The following MECOM variants were observed in gnomAD, a reference collection of about 807,000 sequenced individuals.
MECOM encodes the protein histone-lysine N-methyltransferase MECOM.
MECOM carries 13 observed loss-of-function variants against 116.3 expected under a neutral mutation model. That is an observed-to-expected ratio of 0.11 (90% CI 0.07 to 0.18). The LOEUF is 0.18. Among genes scored for constraint, MECOM ranks in the 10% least tolerant of loss-of-function variants. The probability of loss-of-function intolerance (pLI) is 1.00; values close to 1 mark genes in which losing one functional copy is unlikely to be tolerated. For missense variants in MECOM, 1,299 were observed against 1,509.0 expected (o/e 0.86, Z 2.31); for synonymous variants, 528 against 535.2 (o/e 0.99, Z 0.19).
intron 1 of MECOM, among the ~76,000 whole-genome samples, chr3:169,427,681 T>C (rs960438935): frequency 6.6e-6 from 1 of 152,212 alleles, no homozygotes; most frequent in Non-Finnish European, 1.5e-5. Flanking sequence ...AGGGAGAGAA[T>C]ATTTATTAAA....
intron 2 of MECOM, among the ~76,000 whole-genome samples, chr3:169,227,973 A>G (rs1056816784): frequency 6.6e-6 from 1 of 152,188 alleles, no homozygotes; most frequent in Non-Finnish European, 1.5e-5. Context: ...CCCAAGAACA[A>G]TTGAGACAAA....
At chr3:169,523,051 T>C (rs1360932279) in intron 1 of MECOM, among the ~76,000 whole-genome samples, 1 of 152,228 alleles carries the variant, frequency 6.6e-6, no homozygotes, top group Admixed American at 6.5e-5. Context: ...GTCATCACTT[T>C]GAAAAATTAA....
chr3:169,378,403 A>G (rs1049978237), intron 2 of MECOM, among the ~76,000 whole-genome samples: 1 of 50,346 alleles, frequency 2.0e-5, no homozygotes, highest in African/African-American at 1.7e-4. Context: ...GAAAGAAAGA[A>G]AGAAAGAAAG....
At chr3:169,425,517 C>T (rs1277558659) in intron 1 of MECOM, among the ~76,000 whole-genome samples, 1 of 152,082 alleles carries the variant, frequency 6.6e-6, no homozygotes, top group Non-Finnish European at 1.5e-5. Context: ...CTCTATGTAA[C>T]ATTTGTTGAT....
At chr3:169,173,811 A>G (rs889022673) in intron 2 of MECOM, among the ~76,000 whole-genome samples, 2 of 152,156 alleles carry the variant, frequency 1.3e-5, no homozygotes, top group African/African-American at 4.8e-5. Context: ...GTATGTGACT[A>G]CCTACACTGA....
intron 1 of MECOM, among the ~76,000 whole-genome samples, chr3:169,493,576 C>CAT (rs57415812): frequency 0.17 from 25,660 of 150,622 alleles, 2,494 homozygotes; most frequent in African/African-American, 0.27. Context: ...CATATGTATA[C>CAT]ATATATATAT....
chr3:169,432,688 T>A (rs924328192), intron 1 of MECOM, among the ~76,000 whole-genome samples: 5 of 152,242 alleles, frequency 3.3e-5, no homozygotes, highest in Non-Finnish European at 7.3e-5. Context: ...TCTTCTTCTT[T>A]ACTATTGAAT....
intron 1 of MECOM, among the ~76,000 whole-genome samples, chr3:169,489,861 C>CATAT (rs932645851): frequency 1.3e-5 from 2 of 152,028 alleles, no homozygotes; most frequent in Admixed American, 1.3e-4. Flanking sequence ...AAAGCACAAA[C>CATAT]ATATAAAGTA....
chr3:169,168,745 T>C (rs1156925245), intron 2 of MECOM, among the ~76,000 whole-genome samples: 1 of 151,926 alleles, frequency 6.6e-6, no homozygotes, highest in Admixed American at 6.6e-5. Flanking sequence ...ACTCTTCTGG[T>C]TGGAACCAGA....
chr3:169,289,988 T>C (rs1288064904), intron 2 of MECOM, among the ~76,000 whole-genome samples: 1 of 152,184 alleles, frequency 6.6e-6, no homozygotes, highest in African/African-American at 2.4e-5. Flanking sequence ...GTGTTAACTA[T>C]TTTGGATTGC....
intron 1 of MECOM, among the ~76,000 whole-genome samples, chr3:169,568,128 C>T (rs1421458898): frequency 2.0e-5 from 3 of 152,138 alleles, no homozygotes; most frequent in Non-Finnish European, 4.4e-5. Flanking sequence ...TCGGGGAACT[C>T]CCTTCTCTAG....
At chr3:169,268,588 G>GTTTC in intron 2 of MECOM, among the ~76,000 whole-genome samples, 1 of 152,176 alleles carries the variant, frequency 6.6e-6, no homozygotes, top group Non-Finnish European at 1.5e-5. Context: ...CAGTGAACAA[G>GTTTC]CTTGCTAAAG....
At chr3:169,350,005 T>C (rs1726039435) in intron 2 of MECOM, among the ~76,000 whole-genome samples, 1 of 152,012 alleles carries the variant, frequency 6.6e-6, no homozygotes, top group Admixed American at 6.6e-5. Context: ...TATTTATTTA[T>C]AAAAATATGA....
At chr3:169,387,079 C>T (rs957947251) in intron 1 of MECOM, among the ~76,000 whole-genome samples, 33 of 151,926 alleles carry the variant, frequency 2.2e-4, no homozygotes, top group African/African-American at 5.1e-4. Context: ...TTTGGTATTT[C>T]GATTTTTTTT....
chr3:169,628,242 A>C (rs1201642386), intron 1 of MECOM, among the ~76,000 whole-genome samples: 1 of 152,154 alleles, frequency 6.6e-6, no homozygotes, highest in Non-Finnish European at 1.5e-5. Context: ...CCACATTTGG[A>C]AGTAGTTCAT....
intron 1 of MECOM, among the ~76,000 whole-genome samples, chr3:169,390,557 G>A (rs1041066876): frequency 5.3e-5 from 8 of 152,078 alleles, no homozygotes; most frequent in African/African-American, 9.7e-5. Flanking sequence ...AAGAGTGACC[G>A]GATTTACTTC....
rs1776613047 is a variant in MECOM at position 169,663,522 on chromosome 3, CTCTCT to C, written c.-155_-151del. The C allele has an allele frequency of 1.8e-4, 119 of 658,916 alleles. No individual in the cohort carries two copies. The highest frequency in any genetic ancestry group is 2.6e-4 in the Non-Finnish European group (97 of 374,186). The allele number at this position is 658,916 out of a possible 1,614,324, so 40.8% of individuals were successfully genotyped here. Reference sequence around the variant, plus strand: ...TCTCTCTCTCTCTCTCTCTCTCTCTCTCTCTCTCCCTCCCTCCTGTTTCTCTCCTG... The same window carrying C: ...TCTCTCTCTCTCTCTCTCTCTCTCTCCTCCCTCCCTCCTGTTTCTCTCCTG... On this transcript the variant is annotated 5_prime_UTR_variant, in exon 1 of 17. Coordinates refer to ENST00000651503, the MANE Select transcript of MECOM (RefSeq NM_004991.4).
intron 1 of MECOM, among the ~76,000 whole-genome samples, chr3:169,513,715 T>C (rs1342890948): frequency 6.6e-6 from 1 of 152,182 alleles, no homozygotes. Flanking sequence ...ATGCATTACA[T>C]ATATATTTTA....
In MECOM at chr3:169,452,457, C is replaced by T. The variant is rs538172844; in HGVS notation, c.38-70933G>A. ...TTCTGTTAATTATATTATGCATCTT[C>T]CTTCATGAGTCAGTCAGAATTTAGA... is the stretch of plus-strand genomic sequence containing the variant. On this transcript the variant is annotated intron_variant, in intron 1 of 16. Transcript: ENST00000651503. Among the ~76,000 whole-genome samples the T allele has an allele frequency of 6.1e-4, 93 of 152,250 alleles. No individual in the cohort carries two copies. In the South Asian group the frequency reaches 0.019, roughly 31 times the overall value.
Sources: allele counts gnomAD v4.1 joint callset (sites outside exome capture counted in the v4.1 genomes callset), GRCh38; gene constraint gnomAD v4.1.1; transcripts MANE v1.5; gene names NCBI Gene and HGNC (gene_info 2026-07-23, HGNC 2026-07-21).